Variants in GSDMA observed in about 807,000 individuals in gnomAD.
GSDMA encodes the protein gasdermin-A.
Under a neutral mutation model 54.3 loss-of-function variants are expected in GSDMA, and 55 were observed. The ratio of observed to expected loss-of-function variants is 1.01; its 90% CI spans 0.82 to 1.27. The LOEUF (loss-of-function observed/expected upper bound fraction) is 1.27, where lower values mean the gene tolerates loss of function less well. Ranked by LOEUF, GSDMA falls within the 50% of genes most tolerant of loss-of-function variation. GSDMA has a pLI of 0.00. For synonymous variants in GSDMA, 211 were observed against 224.7 expected, an observed-to-expected ratio of 0.94 and a Z score of 0.54; for missense variants, 542 against 542.6, an observed-to-expected ratio of 1.00 and a Z score of 0.01.
chr17:39,973,654 C>T (rs1235384303), intron 7 of GSDMA, among the ~76,000 whole-genome samples, 156 bp from the exon 8 acceptor site: 2 of 152,184 alleles, frequency 1.3e-5, no homozygotes, highest in Non-Finnish European at 2.9e-5. Context: ...GGGCCAGAGC[C>T]ACTGAGTCAC....
At chr17:39,972,990 G>A (rs1375417221) in intron 7 of GSDMA, among the ~76,000 whole-genome samples, 1 of 151,320 alleles carries the variant, frequency 6.6e-6, no homozygotes, top group Non-Finnish European at 1.5e-5. Flanking sequence ...ATTTTTTTTT[G>A]GATGGAGTTT....
chr17:39,972,039 C>T (rs1339429950), intron 5 of GSDMA, 90 bp from the exon 6 acceptor site: 1 of 863,184 alleles, frequency 1.2e-6, no homozygotes, highest in Non-Finnish European at 1.9e-6. Flanking sequence ...GGTCCTAGCC[C>T]TTAGCAGAGC....
chr17:39,965,393 C>T (rs952868637), intron 1 of GSDMA: 5 of 415,120 alleles, frequency 1.2e-5, no homozygotes, highest in South Asian at 7.4e-5. Context: ...AGAAAATGAG[C>T]GTGGAGTGAG....
At chr17:39,972,100 T>TTGGCCCCCCCCCCC in intron 5 of GSDMA, 29 bp from the exon 6 acceptor site, 1 of 835,096 alleles carries the variant, frequency 1.2e-6, no homozygotes, top group Non-Finnish European at 2.0e-6. Flanking sequence ...CTAAGTGTCC[T>TTGGCCCCCCCCCCC]CCCACCCTCC....
At chr17:39,965,630 C>A in intron 1 of GSDMA, 53 bp from the exon 2 acceptor site, 7 of 1,418,468 alleles carry the variant, frequency 4.9e-6, no homozygotes, top group Non-Finnish European at 5.9e-6. Flanking sequence ...TCCCGGGCTC[C>A]TTGGCAGCCT....
chr17:39,965,667 C>G lies in GSDMA; in HGVS notation c.-5-16C>G. ...GGCAGCCACCTTGACACTCTCCTGT[C>G]TCCCCACCTCCACAGAGACAATGAC... On this transcript the variant is annotated splice_polypyrimidine_tract_variant and intron_variant, in intron 1 of 11. Transcript: ENST00000301659. 6.3e-7 allele frequency: 1 copy of G among 1,579,636 alleles called. No homozygotes were observed. Among genetic ancestry groups the G allele is most frequent in the Non-Finnish European group, 8.6e-7 (1 of 1,161,966 alleles).
intron 9 of GSDMA, 69 bp downstream of exon 9, chr17:39,974,496 G>T: frequency 7.1e-6 from 10 of 1,410,344 alleles, no homozygotes; most frequent in Non-Finnish European, 8.6e-6. Flanking sequence ...GTGGGGGCGG[G>T]TATTGCAGCA....
chr17:39,975,745 T>C (rs1320619810), intron 10 of GSDMA, among the ~76,000 whole-genome samples, 179 bp from the exon 11 acceptor site: 1 of 152,182 alleles, frequency 6.6e-6, no homozygotes, highest in African/African-American at 2.4e-5. Context: ...GTTTGTTCCC[T>C]TAGGAAGCCT....
intron 2 of GSDMA, 136 bp downstream of exon 2, chr17:39,966,037 G>T: frequency 1.2e-6 from 1 of 853,024 alleles, no homozygotes; most frequent in Non-Finnish European, 1.8e-6. Context: ...ATCATCAGGA[G>T]CTGAGGAGGC....
chr17:39,971,657 G>A, intron 5 of GSDMA, 37 bp downstream of exon 5: 2 of 1,500,590 alleles, frequency 1.3e-6, no homozygotes, highest in Non-Finnish European at 1.9e-6. Flanking sequence ...CACAAGATGA[G>A]AATTACCTGC....
intron 3 of GSDMA, among the ~76,000 whole-genome samples, chr17:39,967,949 C>T (rs1427375405): frequency 6.6e-6 from 1 of 152,130 alleles, no homozygotes; most frequent in Non-Finnish European, 1.5e-5. Context: ...ACTCCGCCTC[C>T]TGGGTTCAAG....
intron 7 of GSDMA, among the ~76,000 whole-genome samples, chr17:39,973,084 G>A (rs527271316): frequency 1.3e-5 from 2 of 152,258 alleles, no homozygotes; most frequent in South Asian, 4.1e-4. Context: ...TGATTCTCCT[G>A]CCTCAGCCTC....
chr17:39,967,623 T>G (rs1021006019), intron 3 of GSDMA, among the ~76,000 whole-genome samples: 1 of 152,176 alleles, frequency 6.6e-6, no homozygotes, highest in Non-Finnish European at 1.5e-5. Context: ...GTGTGTCAGA[T>G]AGGGGAAGAG....
chr17:39,970,461 C>T (rs1246102153), intron 3 of GSDMA, 21 bp from the exon 4 acceptor site: 15 of 1,557,124 alleles, frequency 9.6e-6, no homozygotes, highest in Admixed American at 1.9e-5. Context: ...GAACGGTTCC[C>T]TTATGTTTCT....
intron 11 of GSDMA, among the ~76,000 whole-genome samples, chr17:39,976,342 G>A (rs1310856105): frequency 1.3e-5 from 2 of 149,948 alleles, no homozygotes; most frequent in Admixed American, 6.7e-5. Context: ...GCAATGGTGC[G>A]ATCTTGGCTC....
chr17:39,975,093 T>C, intron 10 of GSDMA, 79 bp downstream of exon 10: 1 of 761,548 alleles, frequency 1.3e-6, no homozygotes, highest in Admixed American at 2.3e-5. Context: ...CCCAAATGGA[T>C]GAATAAATGA....
At chr17:39,966,202 C>T (rs1979652675) in intron 2 of GSDMA, 58 bp from the exon 3 acceptor site, 44 of 1,571,044 alleles carry the variant, frequency 2.8e-5, no homozygotes, top group Non-Finnish European at 3.6e-5. Context: ...GCTGGGATTA[C>T]AGGCATGAGT....
In GSDMA at chr17:39,975,022, G is replaced by A; in HGVS notation, c.1021+8G>A. ...TCGTTGGAGCCCTAACAGGTAAGTG[G>A]GGAATAAGGTCTTCATTTATAGACC... is the stretch of plus-strand genomic sequence containing the variant. On this transcript the variant is annotated splice_region_variant and intron_variant, in intron 10 of 11. Transcript: ENST00000301659. The A allele has an allele frequency of 6.6e-7, 1 of 1,513,348 alleles. No individual in the cohort carries two copies. The highest frequency in any genetic ancestry group is 9.2e-7 in the Non-Finnish European group (1 of 1,090,964). 93.7% of individuals were successfully genotyped at this position (1,513,348 alleles called of 1,614,324 possible).
chr17:39,972,100 T>TGGGGCC, intron 5 of GSDMA, 29 bp from the exon 6 acceptor site: 3 of 835,082 alleles, frequency 3.6e-6, no homozygotes, highest in Non-Finnish European at 4.1e-6. Context: ...CTAAGTGTCC[T>TGGGGCC]CCCACCCTCC....
Sources: gnomAD v4.1 joint callset for allele counts (sites outside exome capture counted in the v4.1 genomes callset) on GRCh38, gnomAD v4.1.1 for gene constraint, MANE v1.5 for transcripts, NCBI Gene and HGNC (gene_info 2026-07-23, HGNC 2026-07-21) for gene names.